The following FAM78B variants were observed in gnomAD, a reference collection of about 807,000 sequenced individuals.
FAM78B encodes family with sequence similarity 78 member B, also known as protein FAM78B.
Under a neutral mutation model 20.0 loss-of-function variants are expected in FAM78B, and 10 were observed. The observed-to-expected ratio is 0.50, with a 90% confidence interval of 0.31 to 0.85. The LOEUF is 0.85. FAM78B is among the 40% of genes least tolerant of loss of function. The pLI is 0.05. For missense variants in FAM78B, 283 were observed against 345.0 expected (o/e 0.82, Z 1.42); for synonymous variants, 135 against 132.8 (o/e 1.02, Z -0.12).
At chr1:166,092,281 G>A (rs184572602) in intron 1 of FAM78B, among the ~76,000 whole-genome samples, 310 of 152,288 alleles carry the variant, frequency 2.0e-3, no homozygotes, top group Non-Finnish European at 3.5e-3. Context: ...TCCCTTGGAT[G>A]GCAGAGCCAC....
chr1:166,067,294 G>A (rs1024756430), downstream of FAM78B, among the ~76,000 whole-genome samples: 13 of 152,120 alleles, frequency 8.5e-5, no homozygotes, highest in East Asian at 1.2e-3. Flanking sequence ...AAATTCCTTC[G>A]GGATCATGGA....
At chr1:166,114,193 G>C (rs781115403) in intron 1 of FAM78B, among the ~76,000 whole-genome samples, 1 of 152,150 alleles carries the variant, frequency 6.6e-6, no homozygotes, top group Non-Finnish European at 1.5e-5. Flanking sequence ...GAATTTTTGA[G>C]GTGCTAACAC....
intron 1 of FAM78B, among the ~76,000 whole-genome samples, chr1:166,127,798 G>C (rs1030247447): frequency 6.6e-6 from 1 of 152,172 alleles, no homozygotes; most frequent in African/African-American, 2.4e-5. Context: ...CAAGGTCAAA[G>C]AGCACACAGA....
At chr1:166,069,227 ATGTG>A (rs140625373), downstream of FAM78B, among the ~76,000 whole-genome samples, 151 of 151,878 alleles carry the variant, frequency 9.9e-4, 2 homozygotes, top group East Asian at 0.015. Context: ...GCATGTGTGC[ATGTG>A]TGTGTGTGTG....
intron 1 of FAM78B, among the ~76,000 whole-genome samples, chr1:166,155,098 T>A (rs1370779196): frequency 6.6e-6 from 1 of 152,156 alleles, no homozygotes; most frequent in Non-Finnish European, 1.5e-5. Context: ...AGCAGCTGAG[T>A]GAACCAGGCA....
chr1:166,061,047 C>G (rs946079525), intron 2 of FAM78B, among the ~76,000 whole-genome samples: 1 of 152,170 alleles, frequency 6.6e-6, no homozygotes, highest in African/African-American at 2.4e-5. Context: ...GTGACCAGAG[C>G]TCTGTAGCTC....
At chr1:166,121,211 T>A (rs570655041) in intron 1 of FAM78B, among the ~76,000 whole-genome samples, 52 of 152,176 alleles carry the variant, frequency 3.4e-4, no homozygotes, top group Non-Finnish European at 6.8e-4. Context: ...GTGGACACCA[T>A]CAAGGTCCAC....
At chr1:166,108,720 A>G (rs1194370849) in intron 1 of FAM78B, among the ~76,000 whole-genome samples, 4 of 152,232 alleles carry the variant, frequency 2.6e-5, no homozygotes, top group African/African-American at 7.2e-5. Context: ...CTAAGCAAAA[A>G]GAACAAATCT....
chr1:166,132,323 A>G (rs1654906841), intron 1 of FAM78B, among the ~76,000 whole-genome samples: 2 of 152,124 alleles, frequency 1.3e-5, no homozygotes, highest in South Asian at 4.1e-4. Context: ...GAAGAACATG[A>G]CACACTGGAC....
chr1:166,166,438 C>A lies in FAM78B; in HGVS notation c.-190G>T. 1 of 302,394 alleles carries A rather than the reference C, an allele frequency of 3.3e-6. No homozygotes were observed. The highest frequency in any genetic ancestry group is 1.3e-4 in the South Asian group (1 of 7,612). 18.7% of individuals were successfully genotyped at this position (302,394 alleles called of 1,614,324 possible). A position where few individuals can be genotyped will look rare whatever the true frequency, so the allele number is the denominator to read the frequency against. On this transcript the variant is annotated 5_prime_UTR_variant, in exon 1 of 2. Transcript: ENST00000354422. ...CTCCTCTTGCAGCCGCGCGGGGTCCCCGCTGCCCCGACGTCCGCCCACGCC... is the reference window on the plus strand; with the variant it reads ...CTCCTCTTGCAGCCGCGCGGGGTCCACGCTGCCCCGACGTCCGCCCACGCC...
downstream of FAM78B, among the ~76,000 whole-genome samples, chr1:166,068,318 G>T (rs1410704378): frequency 6.6e-6 from 1 of 152,216 alleles, no homozygotes; most frequent in Admixed American, 6.5e-5. Flanking sequence ...AACATGGGAA[G>T]GGACAGAGAA....
chr1:166,106,088 C>T (rs1653768938), intron 1 of FAM78B, among the ~76,000 whole-genome samples: 4 of 151,314 alleles, frequency 2.6e-5, no homozygotes, highest in Admixed American at 6.6e-5. Flanking sequence ...CCATCATTCT[C>T]AGCAAAGTAT....
At chr1:166,135,680 T>C (rs1655040405) in intron 1 of FAM78B, among the ~76,000 whole-genome samples, 2 of 152,166 alleles carry the variant, frequency 1.3e-5, no homozygotes. Flanking sequence ...AGAACCAAAC[T>C]AGAGAGAATT....
intron 1 of FAM78B, among the ~76,000 whole-genome samples, chr1:166,083,261 T>C (rs896678487): frequency 9.2e-5 from 14 of 152,156 alleles, no homozygotes; most frequent in African/African-American, 2.9e-4. Context: ...ATTAAAAAAA[T>C]TAATTTGTCT....
At position 166,165,993 on chromosome 1, in the gene FAM78B, G is replaced by C. The variant is rs375253617; in HGVS notation, c.256C>G (p.Leu86Val). ...GCGCGGCGAGTCGCTTACATGCCCA[G>C]GTCGCTGTAGGTGTTGAAGAACTCC... ...QMEFFNTYSD[L>V]GMSSWELPDL... Residue 86 changes from leucine (L) to valine (V), a missense_variant, in exon 1 of 2, where the codon CTG becomes GTG. Physicochemically the swap from Leu to Val is conservative, Grantham distance 32 (BLOSUM62 1). Transcript: ENST00000354422. The C allele has an allele frequency of 1.9e-6, 3 of 1,612,894 alleles. No individual in the cohort carries two copies. Among genetic ancestry groups the C allele is most frequent in the African/African-American group, 2.7e-5 (2 of 74,852 alleles).
chr1:166,070,838 G>A, intron 1 of FAM78B, 75 bp from the exon 2 acceptor site: 1 of 1,457,624 alleles, frequency 6.9e-7, no homozygotes, highest in Non-Finnish European at 9.1e-7. Context: ...GGTGCTCACT[G>A]CTTACTAACA....
chr1:166,086,879 G>A lies in FAM78B; in HGVS notation c.264-16116C>T, dbSNP rs139502436. On this transcript the variant is annotated intron_variant, in intron 1 of 1. Coordinates refer to ENST00000354422, the MANE Select transcript of FAM78B (RefSeq NM_001017961.5). Reference sequence around the variant, plus strand: ...TTCACATGGGTATTATCAAACTAGAGGGGCAGAGAGACTGCAAAATTTCTA... The same window carrying A: ...TTCACATGGGTATTATCAAACTAGAAGGGCAGAGAGACTGCAAAATTTCTA... 2.2e-3 allele frequency among the ~76,000 whole-genome samples: 328 copies of A among 152,228 alleles called. 2 individuals carry two copies. Among genetic ancestry groups the A allele is most frequent in the African/African-American group, 7.5e-3 (313 of 41,526 alleles).
At chr1:166,077,272 G>A (rs1466024823) in intron 1 of FAM78B, among the ~76,000 whole-genome samples, 1 of 152,150 alleles carries the variant, frequency 6.6e-6, no homozygotes, top group African/African-American at 2.4e-5. Flanking sequence ...AGACTGCTTA[G>A]GCCTGTAAAC....
At chr1:166,094,746 A>G (rs922898173) in intron 1 of FAM78B, among the ~76,000 whole-genome samples, 1 of 152,222 alleles carries the variant, frequency 6.6e-6, no homozygotes, top group African/African-American at 2.4e-5. Flanking sequence ...GATAAGGAGG[A>G]CATCTGGATA....
Sources: allele counts gnomAD v4.1 joint callset (sites outside exome capture counted in the v4.1 genomes callset), GRCh38; gene constraint gnomAD v4.1.1; transcripts MANE v1.5; gene names NCBI Gene and HGNC (gene_info 2026-07-23, HGNC 2026-07-21).